The following DYNC2H1 variants were observed in gnomAD, a reference collection of about 807,000 sequenced individuals.
The protein encoded by DYNC2H1 is cytoplasmic dynein 2 heavy chain 1.
In DYNC2H1, 410 loss-of-function variants were observed where a neutral mutation model predicts 570.0. The ratio of observed to expected loss-of-function variants is 0.72; its 90% CI spans 0.66 to 0.78. DYNC2H1 has a LOEUF of 0.78. DYNC2H1 is among the 30% of genes least tolerant of loss of function. The probability of loss-of-function intolerance (pLI) is 0.00; values close to 1 mark genes in which losing one functional copy is unlikely to be tolerated. For synonymous variants in DYNC2H1, 1,688 were observed against 1,677.6 expected (o/e 1.01, Z -0.15); for missense variants, 4,865 against 5,046.4 (o/e 0.96, Z 1.09).
chr11:103,428,211 G>C (rs553610), intron 84 of DYNC2H1, among the ~76,000 whole-genome samples: 79,424 of 144,022 alleles, frequency 0.55, 22,603 homozygotes, highest in East Asian at 0.71. Context: ...CAGAATATCT[G>C]AAAGAGAGGA....
At chr11:103,152,417 A>G (rs1346648119) in intron 21 of DYNC2H1, 132 bp downstream of exon 21, 3 of 768,204 alleles carry the variant, frequency 3.9e-6, no homozygotes, top group East Asian at 5.9e-5. Flanking sequence ...CTCCCTGACT[A>G]CTTTTATAGT....
chr11:103,306,321 T>G (rs1867282354), intron 77 of DYNC2H1, among the ~76,000 whole-genome samples: 1 of 152,232 alleles, frequency 6.6e-6, no homozygotes, highest in African/African-American at 2.4e-5. Flanking sequence ...AAAATGTAAT[T>G]AGAGTTATTA....
At chr11:103,322,286 C>T (rs1938250697) in intron 81 of DYNC2H1, among the ~76,000 whole-genome samples, 1 of 151,980 alleles carries the variant, frequency 6.6e-6, no homozygotes, top group South Asian at 2.1e-4. Context: ...GATAGTGTAC[C>T]CCAACAAGTT....
At chr11:103,246,482 G>T (rs2135234553) in intron 65 of DYNC2H1, among the ~76,000 whole-genome samples, 1 of 152,104 alleles carries the variant, frequency 6.6e-6, no homozygotes, top group Non-Finnish European at 1.5e-5. Flanking sequence ...TAGATCCCCT[G>T]AAAAGAGTGA....
intron 83 of DYNC2H1, among the ~76,000 whole-genome samples, chr11:103,380,778 T>G (rs1273065498): frequency 3.3e-5 from 5 of 152,062 alleles, no homozygotes; most frequent in African/African-American, 1.2e-4. Flanking sequence ...CTCAGTCTGG[T>G]CTCAAACTCC....
intron 84 of DYNC2H1, among the ~76,000 whole-genome samples, chr11:103,424,999 A>G (rs1208774580): frequency 1.3e-5 from 2 of 152,158 alleles, no homozygotes; most frequent in Non-Finnish European, 2.9e-5. Context: ...ACAGTGGTAC[A>G]TTCCTAGCTC....
chr11:103,375,500 C>T lies in DYNC2H1; in HGVS notation c.12156+17141C>T, dbSNP rs188318253. Reference sequence around the variant, plus strand: ...CACACAAAACCAGCTGTGAAAGCAGCCAGGAGAGGGGAGCTGTACCCTGCA... The same window carrying T: ...CACACAAAACCAGCTGTGAAAGCAGTCAGGAGAGGGGAGCTGTACCCTGCA... On this transcript the variant is annotated intron_variant, in intron 83 of 88. Transcript: ENST00000375735. Among the ~76,000 whole-genome samples the T allele has an allele frequency of 3.9e-5, 6 of 152,302 alleles. No homozygotes were observed. The East Asian group carries it at 9.7e-4, about 25-fold the overall frequency.
chr11:103,265,831 G>A (rs995881686), intron 70 of DYNC2H1, among the ~76,000 whole-genome samples: 56 of 152,070 alleles, frequency 3.7e-4, no homozygotes, highest in African/African-American at 1.3e-3. Context: ...CTCACCTTTC[G>A]ATGGTTTTTT....
chr11:103,462,981 A>C (rs1291364366), intron 87 of DYNC2H1, among the ~76,000 whole-genome samples: 9 of 152,240 alleles, frequency 5.9e-5, no homozygotes, highest in Admixed American at 5.9e-4. Context: ...CCTATGAAAC[A>C]ATCATGCAGA....
At position 103,135,585 on chromosome 11, in the gene DYNC2H1, G is replaced by C. The variant is rs1859493101; in HGVS notation, c.2296G>C (p.Glu766Gln). The change falls in exon 16 of 89, where the codon GAA (glutamate) becomes CAA (glutamine). Residue 766 changes from glutamate to glutamine, a missense_variant. Physicochemically the swap from Glu to Gln is conservative, Grantham distance 29. Around this residue, in one of 5 missense-constraint regions of DYNC2H1, gnomAD observed 1,936 missense variants for 1,962.1 expected, o/e 0.99. Coordinates refer to ENST00000375735, the MANE Select transcript of DYNC2H1 (RefSeq NM_001377.3). ...ALEHQYQMGL[E>Q]ALNENLPEIN... ...GGAGCATCAGTACCAGATGGGCTTA[G>C]AAGCACTTAATGAGAATTTGCCAGA... 2 of 1,613,224 alleles carry C rather than the reference G, an allele frequency of 1.2e-6. No individual in the cohort carries two copies. Among genetic ancestry groups the C allele is most frequent in the Non-Finnish European group, 1.7e-6 (2 of 1,179,636 alleles).
At chr11:103,139,708 A>G (rs1859791118) in intron 17 of DYNC2H1, among the ~76,000 whole-genome samples, 2 of 151,500 alleles carry the variant, frequency 1.3e-5, no homozygotes, top group African/African-American at 2.4e-5. Context: ...TGGGGTGGAG[A>G]GTTCTGTAGA....
chr11:103,243,476 A>T lies in DYNC2H1; in HGVS notation c.9820-217A>T, dbSNP rs1864496918. ...TACTCTGGCTAAATGTAATTACCTA[A>T]TATTAACTCCTGGTCACTGAAGATT... On this transcript the variant is annotated intron_variant, in intron 63 of 88. Transcript: ENST00000375735. This position sits in a 1 kb window ranked among gnomAD's most constrained non-coding sequence, Gnocchi z 4.8. Among the ~76,000 whole-genome samples, 1 of 152,174 alleles carries T rather than the reference A, an allele frequency of 6.6e-6. No individual in the cohort carries two copies. The highest frequency in any genetic ancestry group is 1.5e-5 in the Non-Finnish European group (1 of 68,018).
At chr11:103,411,298 A>G (rs1591708253) in intron 84 of DYNC2H1, among the ~76,000 whole-genome samples, 1 of 152,232 alleles carries the variant, frequency 6.6e-6, no homozygotes, top group East Asian at 1.9e-4. Context: ...TATATAAGGT[A>G]GCGCTTTCAG....
In DYNC2H1 at chr11:103,311,954, A is replaced by G; in HGVS notation, c.11570A>G (p.Asn3857Ser). 1.9e-6 allele frequency: 3 copies of G among 1,613,816 alleles called. No homozygotes were observed. The South Asian group carries it at 3.3e-5, about 18-fold the overall frequency. The change falls in exon 79 of 89, where the codon AAT (asparagine) becomes AGT (serine). Residue 3857 changes from asparagine (N) to serine (S), a missense_variant. Asn to Ser is a conservative substitution (Grantham distance 46, BLOSUM62 1). Around this residue, in one of 5 missense-constraint regions of DYNC2H1, gnomAD observed 2,401 missense variants for 2,454.6 expected, o/e 0.98. Coordinates refer to ENST00000375735, the MANE Select transcript of DYNC2H1 (RefSeq NM_001377.3). ...WTPEQISKKDNTHRAHALFSL... is the reference protein window; with the variant it reads ...WTPEQISKKDSTHRAHALFSL... ...CCTGAGCAAATTAGCAAAAAAGATAATACACATCGAGCTCATGCTCTCTTC... is the reference window on the plus strand; with the variant it reads ...CCTGAGCAAATTAGCAAAAAAGATAGTACACATCGAGCTCATGCTCTCTTC...
In DYNC2H1 at chr11:103,186,680, T is replaced by A. The variant is rs1440620095; in HGVS notation, c.6893+179T>A. ...TATGGGGAATAGTGTGTCCTTTTCT[T>A]TTCCAGGTTGTGTGATTTCTACTGG... On this transcript the variant is annotated intron_variant, in intron 42 of 88. Transcript: ENST00000375735. The surrounding 1 kb of genome is among the most constrained non-coding windows in gnomAD (Gnocchi z 4.5). 6.6e-6 allele frequency among the ~76,000 whole-genome samples: 1 copy of A among 151,772 alleles called. No homozygotes were observed. Among genetic ancestry groups the A allele is most frequent in the African/African-American group, 2.4e-5 (1 of 41,366 alleles).
intron 83 of DYNC2H1, among the ~76,000 whole-genome samples, chr11:103,376,770 A>G (rs1170280961): frequency 3.0e-5 from 3 of 100,622 alleles, no homozygotes; most frequent in East Asian, 3.3e-4. Context: ...ATTAACATCT[A>G]CTGGTGGGTT....
At chr11:103,352,078 C>T (rs1053397684) in intron 82 of DYNC2H1, among the ~76,000 whole-genome samples, 2 of 151,950 alleles carry the variant, frequency 1.3e-5, no homozygotes, top group African/African-American at 4.8e-5. Flanking sequence ...TTTTCTGTAT[C>T]TGTAATTTCC....
chr11:103,418,213 GGAAA>G (rs71066154), intron 84 of DYNC2H1, among the ~76,000 whole-genome samples: 75,938 of 151,354 alleles, frequency 0.5, 19,223 homozygotes, highest in African/African-American at 0.59. Flanking sequence ...CATGCAGATT[GGAAA>G]GAAAGAAGGA....
At chr11:103,144,373 A>T (rs1243946915) in intron 18 of DYNC2H1, among the ~76,000 whole-genome samples, 1 of 152,210 alleles carries the variant, frequency 6.6e-6, no homozygotes, top group Non-Finnish European at 1.5e-5. Flanking sequence ...ATTAGTATCA[A>T]GTGGAATAGT....
Sources: allele counts gnomAD v4.1 joint callset (sites outside exome capture counted in the v4.1 genomes callset), GRCh38; gene constraint gnomAD v4.1.1; regional missense constraint gnomAD v4.1.1; non-coding constraint Gnocchi (gnomAD v3.1); transcripts MANE v1.5; gene names NCBI Gene and HGNC (gene_info 2026-07-23, HGNC 2026-07-21).